The following SEC14L1 variants were observed in gnomAD, a reference collection of about 807,000 sequenced individuals.
The protein encoded by SEC14L1 is SEC14 like lipid binding 1.
SEC14L1 carries 48 observed loss-of-function variants against 85.3 expected under a neutral mutation model. The observed-to-expected ratio is 0.56, with a 90% CI of 0.45 to 0.72. The LOEUF (loss-of-function observed/expected upper bound fraction) is 0.72, where lower values mean the gene tolerates loss of function less well. SEC14L1 is among the 30% of genes least tolerant of loss of function. The pLI is 0.00. For synonymous variants in SEC14L1, 391 were observed against 355.5 expected, an observed-to-expected ratio of 1.10 and a Z score of -1.12; for missense variants, 682 against 921.4, an observed-to-expected ratio of 0.74 and a Z score of 3.36.
chr17:77,196,212 T>G lies in SEC14L1; in HGVS notation c.720T>G (p.Asp240Glu). The change falls in exon 8 of 17, where the codon GAT (aspartate) becomes GAG (glutamate). Residue 240 changes from aspartate to glutamate, a missense_variant. This residue lies in a region of SEC14L1 where 123 missense variants were observed against 100.6 expected (regional missense o/e 1.22). Coordinates refer to ENST00000436233, the MANE Select transcript of SEC14L1 (RefSeq NM_001143998.2). ...TCACTTACATTCCAGACAAACTAGATGCCGACTACATCAAGAGATACCTGG... is the reference window on the plus strand; with the variant it reads ...TCACTTACATTCCAGACAAACTAGAGGCCGACTACATCAAGAGATACCTGG... Reference protein sequence around the residue: ...PVVGTPDDKLDADYIKRYLGD... With the variant: ...PVVGTPDDKLEADYIKRYLGD... 4 of 1,613,602 alleles carry G rather than the reference T, an allele frequency of 2.5e-6. No individual in the cohort carries two copies. Among genetic ancestry groups the G allele is most frequent in the Non-Finnish European group, 3.4e-6 (4 of 1,179,530 alleles).
chr17:77,149,875 A>G (rs1026557677), intron 3 of SEC14L1, among the ~76,000 whole-genome samples: 2 of 133,554 alleles, frequency 1.5e-5, no homozygotes, highest in Non-Finnish European at 1.6e-5. Flanking sequence ...TTTTTTTTTT[A>G]ATTTTCGTAA....
Position 77,216,519 on chromosome 17 carries a change from GCTTTCTCTTTCT to G in SEC14L1, c.*2505_*2516del, listed in dbSNP as rs758062006. 6 of 1,613,030 alleles carry G rather than the reference GCTTTCTCTTTCT, an allele frequency of 3.7e-6. No homozygotes were observed. Among genetic ancestry groups the G allele is most frequent in the Non-Finnish European group, 5.1e-6 (6 of 1,179,378 alleles). On this transcript the variant is annotated 3_prime_UTR_variant, in exon 17 of 17. Coordinates refer to ENST00000436233, the MANE Select transcript of SEC14L1 (RefSeq NM_001143998.2). ...TCACAAGGGCCTGAAGGTGGTCCCT[GCTTTCTCTTTCT>G]CTTTCTCTGTGTCTCAGATGGCGAT...
chr17:77,188,152 T>C (rs1975355755), intron 3 of SEC14L1, among the ~76,000 whole-genome samples: 1 of 152,334 alleles, frequency 6.6e-6, no homozygotes, highest in Middle Eastern at 3.4e-3. Flanking sequence ...TCTCATGTGT[T>C]CTTTACTCAT....
rs34186028 is a variant in SEC14L1, at chr17:77,158,798, C to CTTTTTTTTTTTTTTTTT, written c.63+15156_63+15172dup. Among the ~76,000 whole-genome samples the CTTTTTTTTTTTTTTTTT allele has an allele frequency of 3.1e-4, 12 of 39,240 alleles. 5 individuals are homozygous for CTTTTTTTTTTTTTTTTT. The highest frequency in any genetic ancestry group is 3.6e-4 in the Non-Finnish European group (8 of 22,436). The allele number at this position is 39,240 out of a possible 152,430, so 25.7% of individuals were successfully genotyped here. A position where few individuals can be genotyped will look rare whatever the true frequency, so the allele number is the denominator to read the frequency against. On this transcript the variant is annotated intron_variant, in intron 3 of 16. Coordinates refer to ENST00000436233, the MANE Select transcript of SEC14L1 (RefSeq NM_001143998.2). ...CAATTACATTTTATAGCTTTCTTTC[C>CTTTTTTTTTTTTTTTTT]TTTTTTTTTTTTTTTTTTTTTTTTT...
chr17:77,162,253 T>TA (rs1435560105), intron 3 of SEC14L1, among the ~76,000 whole-genome samples: 1 of 152,186 alleles, frequency 6.6e-6, no homozygotes, highest in Non-Finnish European at 1.5e-5. Flanking sequence ...GATTCTGACT[T>TA]AAAGGCGTTC....
At chr17:77,121,321 T>C (rs1972289782) in intron 3 of SEC14L1, among the ~76,000 whole-genome samples, 1 of 152,176 alleles carries the variant, frequency 6.6e-6, no homozygotes, top group Admixed American at 6.5e-5. Context: ...TTGGCAAATA[T>C]TTTGAATAAT....
At chr17:77,089,320 A>C (rs376218214) in intron 2 of SEC14L1, 6 of 498,988 alleles carry the variant, frequency 1.2e-5, no homozygotes, top group African/African-American at 1.2e-4. Context: ...GTCTGGGGAA[A>C]GGCTCCTGTG....
chr17:77,126,137 C>T (rs955914396), intron 3 of SEC14L1, among the ~76,000 whole-genome samples: 2 of 152,284 alleles, frequency 1.3e-5, no homozygotes, highest in Middle Eastern at 3.4e-3. Flanking sequence ...GGTGACAGAG[C>T]GAGACTCCGT....
intron 3 of SEC14L1, among the ~76,000 whole-genome samples, chr17:77,095,520 C>G (rs1971621293): frequency 6.6e-6 from 1 of 152,172 alleles, no homozygotes; most frequent in Admixed American, 6.5e-5. Flanking sequence ...TGTCACTAGA[C>G]CCCAAGACAA....
chr17:77,209,269 T>C (rs1567935969), intron 13 of SEC14L1, 73 bp from the exon 14 acceptor site: 1 of 1,579,910 alleles, frequency 6.3e-7, no homozygotes, highest in Non-Finnish European at 8.6e-7. Context: ...GGGATAGTGC[T>C]GGCCGGTGTG....
intron 3 of SEC14L1, among the ~76,000 whole-genome samples, chr17:77,106,599 G>A (rs577455742): frequency 2.0e-4 from 31 of 151,912 alleles, no homozygotes; most frequent in Admixed American, 1.5e-3. Flanking sequence ...TCAGGAGTTC[G>A]AGACCAGCCT....
rs763526107 is a variant in SEC14L1 at position 77,191,233 on chromosome 17, G to T, written c.266G>T (p.Arg89Leu). 6.2e-7 allele frequency: 1 copy of T among 1,613,470 alleles called. No individual in the cohort carries two copies. Among genetic ancestry groups the T allele is most frequent in the South Asian group, 1.1e-5 (1 of 91,042 alleles). The change falls in exon 5 of 17, where the codon CGG becomes CTG. Residue 89 changes from arginine to leucine, a missense_variant. Physicochemically the swap from Arg to Leu is moderately radical, Grantham distance 102. Transcript: ENST00000436233. Reference sequence around the variant, plus strand: ...GTCCAGAAAAACTCACTGAATTCTCGGGAACGTACTTTGCACATTGAGGCT... The same window carrying T: ...GTCCAGAAAAACTCACTGAATTCTCTGGAACGTACTTTGCACATTGAGGCT... ...YFVQKNSLNS[R>L]ERTLHIEAYN...
At chr17:77,197,260 A>AGTT (rs1975861279) in intron 8 of SEC14L1, among the ~76,000 whole-genome samples, 1 of 152,142 alleles carries the variant, frequency 6.6e-6, no homozygotes. Context: ...CAGCCTCTTG[A>AGTT]GTTGGTAAAC....
At chr17:77,124,328 C>T (rs936164217) in intron 3 of SEC14L1, among the ~76,000 whole-genome samples, 14 of 152,178 alleles carry the variant, frequency 9.2e-5, no homozygotes, top group African/African-American at 3.4e-4. Context: ...CATGCCACTG[C>T]ATTCCAGCCA....
chr17:77,169,198 A>G (rs188722996), intron 3 of SEC14L1, among the ~76,000 whole-genome samples: 9 of 152,078 alleles, frequency 5.9e-5, no homozygotes, highest in Non-Finnish European at 1.3e-4. Flanking sequence ...TTGACTGGTA[A>G]GCTCTTGGGA....
At position 77,143,668 on chromosome 17, in the gene SEC14L1, T is replaced by C; in HGVS notation, c.63+9T>C. 1.3e-6 allele frequency: 2 copies of C among 1,591,150 alleles called. No homozygotes were observed. The highest frequency in any genetic ancestry group is 1.1e-5 in the South Asian group (1 of 90,314). ...TTGAATTAATTATGGCTGTAAGTACTTGACATTTCAATTTACTCTTTGGCT... is the reference window on the plus strand; with the variant it reads ...TTGAATTAATTATGGCTGTAAGTACCTGACATTTCAATTTACTCTTTGGCT... On this transcript the variant is annotated intron_variant, in intron 3 of 16. Transcript: ENST00000436233.
intron 3 of SEC14L1, among the ~76,000 whole-genome samples, chr17:77,123,686 T>C (rs1972362819): frequency 6.6e-6 from 1 of 151,830 alleles, no homozygotes; most frequent in African/African-American, 2.4e-5. Context: ...GTGTTGGGAT[T>C]ACAGGCGAGA....
intron 3 of SEC14L1, among the ~76,000 whole-genome samples, chr17:77,107,824 G>A (rs1230337304): frequency 6.6e-6 from 1 of 152,208 alleles, no homozygotes; most frequent in African/African-American, 2.4e-5. Flanking sequence ...CACTATCACA[G>A]ATGCCTGAAA....
chr17:77,193,364 G>A, intron 5 of SEC14L1, 57 bp from the exon 6 acceptor site: 1 of 1,509,938 alleles, frequency 6.6e-7, no homozygotes, highest in Non-Finnish European at 9.0e-7. Context: ...TGAGGAGCAG[G>A]CAGATGATAT....
Sources: allele counts gnomAD v4.1 joint callset (sites outside exome capture counted in the v4.1 genomes callset), GRCh38; gene constraint gnomAD v4.1.1; regional missense constraint gnomAD v4.1.1; transcripts MANE v1.5; gene names NCBI Gene and HGNC (gene_info 2026-07-23, HGNC 2026-07-21).